EXOC6B: variants seen among roughly 807,000 people sequenced by gnomAD.
EXOC6B encodes SEC15 homolog B.
EXOC6B carries 54 observed loss-of-function variants against 113.5 expected under a neutral mutation model. The observed-to-expected ratio is 0.48, with a 90% CI of 0.38 to 0.60. EXOC6B has a LOEUF of 0.60. Ranked by LOEUF, EXOC6B falls within the 20% of genes least tolerant of loss-of-function variation. The pLI is 0.00. For missense variants in EXOC6B, 797 were observed against 977.5 expected, an observed-to-expected ratio of 0.82 and a Z score of 2.46; for synonymous variants, 357 against 339.0, an observed-to-expected ratio of 1.05 and a Z score of -0.58.
chr2:72,449,222 G>A (rs1053672402), intron 18 of EXOC6B, among the ~76,000 whole-genome samples: 4 of 151,202 alleles, frequency 2.6e-5, no homozygotes, highest in African/African-American at 4.9e-5. Context: ...TCGCTCTGTC[G>A]CCCAGGCTGG....
intron 6 of EXOC6B, among the ~76,000 whole-genome samples, chr2:72,643,670 G>A (rs1227245219): frequency 1.4e-5 from 2 of 146,714 alleles, no homozygotes; most frequent in Admixed American, 6.8e-5. Context: ...GCTAGATGAC[G>A]AGTTAGTGGG....
intron 1 of EXOC6B, among the ~76,000 whole-genome samples, chr2:72,780,672 T>C (rs912201788): frequency 3.3e-5 from 5 of 152,212 alleles, no homozygotes; most frequent in African/African-American, 7.2e-5. Context: ...CTGTTTTTCA[T>C]TTTAAAATAC....
At chr2:72,635,050 T>C (rs1672728120) in intron 6 of EXOC6B, among the ~76,000 whole-genome samples, 1 of 151,652 alleles carries the variant, frequency 6.6e-6, no homozygotes, top group Non-Finnish European at 1.5e-5. Context: ...CCAAAATTAG[T>C]AGGATATAGC....
chr2:72,807,164 T>G (rs980433630), intron 1 of EXOC6B, among the ~76,000 whole-genome samples: 3 of 152,186 alleles, frequency 2.0e-5, no homozygotes, highest in Non-Finnish European at 4.4e-5. Flanking sequence ...ATTTTACAGT[T>G]AAGTCTTTAA....
chr2:72,344,831 G>GA (rs936103043), intron 19 of EXOC6B, among the ~76,000 whole-genome samples: 1 of 151,608 alleles, frequency 6.6e-6, no homozygotes, highest in Admixed American at 6.6e-5. Context: ...GAAGTAGGGG[G>GA]AAAAAAAAGC....
At chr2:72,367,686 C>T (rs1028936870) in intron 19 of EXOC6B, among the ~76,000 whole-genome samples, 3 of 152,178 alleles carry the variant, frequency 2.0e-5, no homozygotes, top group Admixed American at 6.5e-5. Flanking sequence ...CCTCCCCCAT[C>T]CCCTGGCAGT....
chr2:72,312,622 G>C (rs1254699419), intron 20 of EXOC6B, among the ~76,000 whole-genome samples: 1 of 151,856 alleles, frequency 6.6e-6, no homozygotes, highest in Non-Finnish European at 1.5e-5. Context: ...CGGGTGTGGT[G>C]GTGGGCGCCT....
chr2:72,662,117 AG>A (rs1339710656), intron 6 of EXOC6B, among the ~76,000 whole-genome samples: 3 of 55,208 alleles, frequency 5.4e-5, no homozygotes, highest in East Asian at 6.1e-4. Context: ...AGAAGGGGGG[AG>A]GGGGGAAAGG....
At chr2:72,803,563 C>G (rs1396937617) in intron 1 of EXOC6B, among the ~76,000 whole-genome samples, 1 of 151,952 alleles carries the variant, frequency 6.6e-6, no homozygotes, top group Non-Finnish European at 1.5e-5. Flanking sequence ...GAGCTCCTTT[C>G]TGCAAGGGAA....
chr2:72,630,233 T>G (rs1672304311), intron 6 of EXOC6B, among the ~76,000 whole-genome samples: 1 of 152,158 alleles, frequency 6.6e-6, no homozygotes, highest in Non-Finnish European at 1.5e-5. Flanking sequence ...CCCTCTAACA[T>G]GCATCATCCT....
chr2:72,713,129 T>C lies in EXOC6B; in HGVS notation c.669+4974A>G, dbSNP rs149784708. Among the ~76,000 whole-genome samples the C allele has an allele frequency of 1.2e-4, 19 of 152,322 alleles. No homozygotes were observed. In the East Asian group the frequency reaches 3.1e-3, roughly 25 times the overall value. Reference sequence around the variant, plus strand: ...AACCCTTTAGTGATGTTTTGGCTGATATATCCCAAAAAGAAGCCTATGTAC... The same window carrying C: ...AACCCTTTAGTGATGTTTTGGCTGACATATCCCAAAAAGAAGCCTATGTAC... On this transcript the variant is annotated intron_variant, in intron 6 of 21. Coordinates refer to ENST00000272427, the MANE Select transcript of EXOC6B (RefSeq NM_015189.3).
intron 20 of EXOC6B, among the ~76,000 whole-genome samples, chr2:72,224,865 CG>C (rs1483617608): frequency 2.1e-5 from 3 of 143,202 alleles, no homozygotes; most frequent in African/African-American, 7.7e-5. Context: ...TATATGTATA[CG>C]TAAGTGTATA....
chr2:72,292,172 AGTGT>A (rs58303616), intron 20 of EXOC6B, among the ~76,000 whole-genome samples: 17,597 of 139,232 alleles, frequency 0.13, 2,262 homozygotes, highest in African/African-American at 0.34. Context: ...TCCAGAAGTA[AGTGT>A]GTGTGTGTGT....
chr2:72,372,840 T>C (rs765714553), intron 19 of EXOC6B, among the ~76,000 whole-genome samples: 1 of 151,748 alleles, frequency 6.6e-6, no homozygotes, highest in African/African-American at 2.4e-5. Context: ...CAAGACTCTG[T>C]CTCAAAAAAG....
chr2:72,690,672 T>A (rs1677424384), intron 6 of EXOC6B, among the ~76,000 whole-genome samples: 1 of 152,180 alleles, frequency 6.6e-6, no homozygotes, highest in Non-Finnish European at 1.5e-5. Flanking sequence ...TGTTATATCT[T>A]CTTAGTTTTT....
intron 19 of EXOC6B, among the ~76,000 whole-genome samples, chr2:72,336,564 A>T (rs1176828022): frequency 1.3e-5 from 2 of 152,250 alleles, no homozygotes; most frequent in Non-Finnish European, 2.9e-5. Context: ...ATTTAAAATT[A>T]AAAATGCCTC....
intron 20 of EXOC6B, among the ~76,000 whole-genome samples, chr2:72,292,172 A>AGTGTGTGTGTGT (rs58303616): frequency 4.3e-5 from 6 of 139,294 alleles, no homozygotes; most frequent in East Asian, 2.2e-4. Context: ...TCCAGAAGTA[A>AGTGTGTGTGTGT]GTGTGTGTGT....
At position 72,345,606 on chromosome 2, in the gene EXOC6B, T is replaced by C. The variant is rs138296890; in HGVS notation, c.2123-10586A>G. Among the ~76,000 whole-genome samples, 84 of 152,146 alleles carry C rather than the reference T, an allele frequency of 5.5e-4. 1 individual carries two copies. The East Asian group carries it at 0.016, about 29-fold the overall frequency. On this transcript the variant is annotated intron_variant, in intron 19 of 21. Coordinates refer to ENST00000272427, the MANE Select transcript of EXOC6B (RefSeq NM_015189.3). Reference sequence around the variant, plus strand: ...AAGCTACATATTGTATGATTCCAACTATATGACATTCTAGATAAGGGAAAA... The same window carrying C: ...AAGCTACATATTGTATGATTCCAACCATATGACATTCTAGATAAGGGAAAA...
intron 20 of EXOC6B, among the ~76,000 whole-genome samples, chr2:72,286,199 T>G (rs1685407503): frequency 6.6e-6 from 1 of 152,184 alleles, no homozygotes; most frequent in African/African-American, 2.4e-5. Flanking sequence ...CACATGAATG[T>G]TTATAGCAAC....
Sources: allele counts gnomAD v4.1 joint callset (sites outside exome capture counted in the v4.1 genomes callset), GRCh38; gene constraint gnomAD v4.1.1; transcripts MANE v1.5; gene names NCBI Gene and HGNC (gene_info 2026-07-23, HGNC 2026-07-21).